Variants in VXN observed in about 807,000 individuals in gnomAD.
VXN encodes uncharacterized protein C8orf46.
Under a neutral mutation model 23.1 loss-of-function variants are expected in VXN, and 7 were observed. The ratio of observed to expected loss-of-function variants is 0.30; its 90% CI spans 0.17 to 0.57. The LOEUF is 0.57. Among genes scored for constraint, VXN ranks in the 20% least tolerant of loss-of-function variants. The pLI is 0.91. For synonymous variants in VXN, 120 were observed against 105.8 expected, an observed-to-expected ratio of 1.13 and a Z score of -0.83; for missense variants, 238 against 272.6, an observed-to-expected ratio of 0.87 and a Z score of 0.89.
intron 3 of VXN, among the ~76,000 whole-genome samples, chr8:66,507,666 C>T (rs1414653781): frequency 6.6e-6 from 1 of 152,102 alleles, no homozygotes; most frequent in Non-Finnish European, 1.5e-5. Flanking sequence ...ATCTGCCCAG[C>T]ACGTGACAGT....
At chr8:66,495,665 T>C (rs1807617767) in intron 1 of VXN, among the ~76,000 whole-genome samples, 1 of 152,248 alleles carries the variant, frequency 6.6e-6, no homozygotes. Flanking sequence ...CAAGAGTAGC[T>C]ATCTTGTGAA....
intron 1 of VXN, 127 bp from the exon 2 acceptor site, chr8:66,496,310 C>G (rs1563504861): frequency 3.7e-6 from 3 of 817,310 alleles, no homozygotes; most frequent in Non-Finnish European, 6.1e-6. Flanking sequence ...GACCCTGTCT[C>G]TTTTTCCCGT....
intron 2 of VXN, chr8:66,501,153 G>A (rs1210143986): frequency 6.6e-6 from 1 of 152,118 alleles, no homozygotes; most frequent in East Asian, 1.9e-4. Context: ...TGGTATTACA[G>A]GTGTGAGCCA....
intron 1 of VXN, among the ~76,000 whole-genome samples, chr8:66,494,388 C>T (rs893398310): frequency 6.6e-6 from 1 of 152,160 alleles, no homozygotes; most frequent in South Asian, 2.1e-4. Flanking sequence ...TCCCCTCAGC[C>T]TCTCCTAAGC....
Position 66,493,623 on chromosome 8 carries a change from A to G in VXN, c.-26A>G. The G allele has an allele frequency of 6.2e-7, 1 of 1,609,766 alleles. No individual in the cohort carries two copies. The highest frequency in any genetic ancestry group is 8.5e-7 in the Non-Finnish European group (1 of 1,176,868). On this transcript the variant is annotated 5_prime_UTR_variant, in exon 1 of 6. Transcript: ENST00000305454. Reference sequence around the variant, plus strand: ...CCAGAGACAGAGGCCTCCAGTTCCCAGGCACTTCGGGAAGAGGAGGCTGAA... The same window carrying G: ...CCAGAGACAGAGGCCTCCAGTTCCCGGGCACTTCGGGAAGAGGAGGCTGAA...
At chr8:66,513,491 G>A (rs374114784) in intron 4 of VXN, 49 bp from the exon 5 acceptor site, 19 of 1,496,542 alleles carry the variant, frequency 1.3e-5, no homozygotes, top group South Asian at 2.3e-5. Flanking sequence ...CAGGGCCAGA[G>A]TGGGAAGGCA....
intron 4 of VXN, among the ~76,000 whole-genome samples, chr8:66,510,587 G>A (rs1377669030): frequency 3.3e-5 from 5 of 152,162 alleles, no homozygotes; most frequent in Non-Finnish European, 7.3e-5. Flanking sequence ...GTTAGCACAG[G>A]CTGCTGTAAG....
At chr8:66,505,613 C>T (rs1807744582) in intron 3 of VXN, 85 bp downstream of exon 3, 1 of 1,389,044 alleles carries the variant, frequency 7.2e-7, no homozygotes, top group South Asian at 1.6e-5. Flanking sequence ...GTCAGGGCAG[C>T]GTTGGCGGTG....
At chr8:66,512,543 A>G (rs984093300) in intron 4 of VXN, among the ~76,000 whole-genome samples, 4 of 152,216 alleles carry the variant, frequency 2.6e-5, no homozygotes, top group Non-Finnish European at 5.9e-5. Flanking sequence ...CTCTGGACTT[A>G]GCCCTGTTTA....
At chr8:66,494,913 T>C (rs1401856285) in intron 1 of VXN, 1 of 152,188 alleles carries the variant, frequency 6.6e-6, no homozygotes, top group Non-Finnish European at 1.5e-5. Flanking sequence ...TGTCATGCTG[T>C]GGAATACTAT....
chr8:66,497,992 A>AC (rs1457400847), intron 2 of VXN, among the ~76,000 whole-genome samples: 1 of 151,926 alleles, frequency 6.6e-6, no homozygotes, highest in Non-Finnish European at 1.5e-5. Context: ...ACATGGAGAA[A>AC]CCCCATCTCT....
At position 66,493,831 on chromosome 8, in the gene VXN, G is replaced by A. The variant is rs1807593331; in HGVS notation, c.70+113G>A. ...ATCCTCAGGTCTCTGGGGTCTGATG[G>A]ACTCTCGGTTTTGATGGTATTTGAT... On this transcript the variant is annotated intron_variant, in intron 1 of 5. Coordinates refer to ENST00000305454, the MANE Select transcript of VXN (RefSeq NM_152765.4). 5.4e-5 allele frequency: 44 copies of A among 820,860 alleles called. 2 individuals are homozygous for A. The South Asian group carries it at 6.6e-4, about 12-fold the overall frequency. 50.8% of individuals were successfully genotyped at this position (820,860 alleles called of 1,614,324 possible).
At chr8:66,509,012 A>G (rs1021579074) in intron 3 of VXN, among the ~76,000 whole-genome samples, 4 of 152,204 alleles carry the variant, frequency 2.6e-5, no homozygotes, top group African/African-American at 9.7e-5. Context: ...AAGAAAAGAA[A>G]GATTGTGGTG....
At chr8:66,514,888 C>T (rs181568075) in intron 5 of VXN, among the ~76,000 whole-genome samples, 43 of 152,332 alleles carry the variant, frequency 2.8e-4, no homozygotes, top group African/African-American at 1.0e-3. Context: ...GCGCTGCACA[C>T]TTTGAAAGCA....
At chr8:66,495,091 G>T (rs189591768) in intron 1 of VXN, 11 of 152,108 alleles carry the variant, frequency 7.2e-5, no homozygotes, top group Admixed American at 5.2e-4. Context: ...TATGTATCTA[G>T]AGAAAAATAC....
At chr8:66,496,569 G>T in intron 2 of VXN, 77 bp downstream of exon 2, 1 of 1,332,324 alleles carries the variant, frequency 7.5e-7, no homozygotes, top group Non-Finnish European at 1.1e-6. Context: ...CTTCACTCTC[G>T]CTCCCCAGCT....
intron 3 of VXN, among the ~76,000 whole-genome samples, chr8:66,507,224 C>T (rs1330071169): frequency 6.6e-6 from 1 of 152,184 alleles, no homozygotes; most frequent in African/African-American, 2.4e-5. Flanking sequence ...GCAGCAGTCT[C>T]TGGAAAATTG....
Position 66,515,892 on chromosome 8 carries a change from G to C in VXN, c.441-1G>C, listed in dbSNP as rs771724919. On this transcript the variant is annotated splice_acceptor_variant, in intron 5 of 5. Transcript: ENST00000305454. LOFTEE classifies it high-confidence loss of function. The stretch of plus-strand genomic sequence containing the variant: ...CCCACCCACTCCTGGCTTTTCTTTA[G>C]ATCCAGACATCTCAAGAAGATGACT... The C allele has an allele frequency of 6.3e-7, 1 of 1,588,112 alleles. No homozygotes were observed. Among genetic ancestry groups the C allele is most frequent in the Non-Finnish European group, 8.6e-7 (1 of 1,167,996 alleles).
At chr8:66,506,054 G>C (rs908490066) in intron 3 of VXN, among the ~76,000 whole-genome samples, 2 of 152,136 alleles carry the variant, frequency 1.3e-5, no homozygotes, top group African/African-American at 2.4e-5. Flanking sequence ...AAAGTGCTGG[G>C]ATTACAGGCA....
Sources: gnomAD v4.1 joint callset for allele counts (sites outside exome capture counted in the v4.1 genomes callset) on GRCh38, gnomAD v4.1.1 for gene constraint, MANE v1.5 for transcripts, NCBI Gene and HGNC (gene_info 2026-07-23, HGNC 2026-07-21) for gene names.